The following SDHB variants were observed in gnomAD, a reference collection of about 807,000 sequenced individuals.
The protein encoded by SDHB is succinate dehydrogenase complex iron sulfur subunit B, also known as succinate dehydrogenase [ubiquinone] iron-sulfur subunit, mitochondrial.
SDHB carries 21 observed loss-of-function variants against 39.7 expected under a neutral mutation model. That is an observed-to-expected ratio of 0.53 (90% CI 0.37 to 0.76). The LOEUF (loss-of-function observed/expected upper bound fraction) is 0.76, where lower values mean the gene tolerates loss of function less well. SDHB is among the 30% of genes least tolerant of loss of function. The pLI is 0.00. For missense variants in SDHB, 343 were observed against 350.9 expected (o/e 0.98, Z 0.18); for synonymous variants, 118 against 117.0 (o/e 1.01, Z -0.06).
chr1:17,027,722 T>G (rs375187876), intron 5 of SDHB, 27 bp downstream of exon 5: 10 of 1,307,296 alleles, frequency 7.6e-6, no homozygotes, highest in Non-Finnish European at 1.1e-5. Flanking sequence ...ATTCTTCAGA[T>G]TGAAACAATA....
chr1:17,037,433 C>T (rs1213886973), intron 2 of SDHB, among the ~76,000 whole-genome samples: 1 of 145,936 alleles, frequency 6.9e-6, no homozygotes, highest in Non-Finnish European at 1.5e-5. Context: ...TCCCAAGTAG[C>T]TCGGACTACA....
intron 2 of SDHB, among the ~76,000 whole-genome samples, chr1:17,036,528 T>G (rs1252126936): frequency 6.6e-6 from 1 of 151,888 alleles, no homozygotes; most frequent in Admixed American, 6.6e-5. Context: ...TATAATTTGT[T>G]CCTAAGAATT....
At chr1:17,041,068 T>G (rs374482493) in intron 2 of SDHB, among the ~76,000 whole-genome samples, 25 of 152,140 alleles carry the variant, frequency 1.6e-4, no homozygotes, top group South Asian at 1.5e-3. Flanking sequence ...AGGCAGAGGT[T>G]GCAGTGAGCC....
chr1:17,025,799 G>C (rs1390350270), intron 5 of SDHB, among the ~76,000 whole-genome samples: 1 of 152,114 alleles, frequency 6.6e-6, no homozygotes, highest in East Asian at 1.9e-4. Flanking sequence ...GTATGTAAAT[G>C]AGTAAATGAG....
At chr1:17,030,529 CT>C (rs1452148513) in intron 3 of SDHB, among the ~76,000 whole-genome samples, 1 of 152,170 alleles carries the variant, frequency 6.6e-6, no homozygotes, top group African/African-American at 2.4e-5. Context: ...TTTTCTTAGC[CT>C]GGACCTACTT....
intron 7 of SDHB, among the ~76,000 whole-genome samples, chr1:17,021,827 G>A (rs2077963451): frequency 6.6e-6 from 1 of 152,136 alleles, no homozygotes; most frequent in African/African-American, 2.4e-5. Flanking sequence ...ACAGCACGAA[G>A]GTTCTTGTTA....
chr1:17,030,885 T>C (rs1298666549), intron 3 of SDHB, among the ~76,000 whole-genome samples: 4 of 152,046 alleles, frequency 2.6e-5, no homozygotes, highest in African/African-American at 9.7e-5. Flanking sequence ...TTTTACCACG[T>C]TGGTCAGGCT....
chr1:17,053,978 C>T lies in SDHB; in HGVS notation c.42G>A (p.Pro14=), dbSNP rs760753435. ...GGCAGGCTCCGCCAAGGGTTGTGGC[C>T]GGCAACCGGCGCCTCAAGGAGAGGG... The part of the protein sequence containing the change: ...VVALSLRRRL[P]ATTLGGACLQ... Residue 14 remains proline, a synonymous_variant, in exon 1 of 8, where the codon CCG becomes CCA. Transcript: ENST00000375499. 8.7e-6 allele frequency: 14 copies of T among 1,612,912 alleles called. No homozygotes were observed. The highest frequency in any genetic ancestry group is 1.7e-5 in the Admixed American group (1 of 59,936).
Position 17,022,829 on chromosome 1 carries a change from C to T in SDHB, c.643-99G>A, listed in dbSNP as rs1043310889. ...CTGGGAGTGCAGAGGAAAGGGAATT[C>T]ACTCAGCTTAGATGCCTCATCTCCA... On this transcript the variant is annotated intron_variant, in intron 6 of 7. Transcript: ENST00000375499. The T allele has an allele frequency of 3.6e-5, 52 of 1,464,356 alleles. No individual in the cohort carries two copies. The African/African-American group carries it at 4.1e-4, about 11-fold the overall frequency. The allele number at this position is 1,464,356 out of a possible 1,614,324, so 90.7% of individuals were successfully genotyped here.
At chr1:17,051,520 G>A (rs1457874526) in intron 1 of SDHB, among the ~76,000 whole-genome samples, 5 of 152,146 alleles carry the variant, frequency 3.3e-5, no homozygotes, top group Non-Finnish European at 7.4e-5. Flanking sequence ...ATGAAGATAA[G>A]CCTGAGTAAA....
intron 2 of SDHB, among the ~76,000 whole-genome samples, chr1:17,042,197 T>C (rs1404127727): frequency 6.6e-6 from 1 of 152,238 alleles, no homozygotes; most frequent in Non-Finnish European, 1.5e-5. Context: ...ATTGTGGTTT[T>C]CCATCCAACT....
intron 5 of SDHB, among the ~76,000 whole-genome samples, chr1:17,024,398 G>C (rs2077980872): frequency 6.6e-6 from 1 of 152,144 alleles, no homozygotes; most frequent in South Asian, 2.1e-4. Context: ...CAGCTTCCTG[G>C]AATGAGGTCA....
intron 6 of SDHB, 105 bp from the exon 7 acceptor site, chr1:17,022,835 G>C (rs2101514293): frequency 1.4e-6 from 2 of 1,381,920 alleles, no homozygotes; most frequent in East Asian, 2.5e-5. Context: ...AATTCACTCA[G>C]CTTAGATGCC....
intron 5 of SDHB, among the ~76,000 whole-genome samples, chr1:17,026,329 A>T (rs908564105): frequency 6.6e-6 from 1 of 152,154 alleles, no homozygotes; most frequent in Admixed American, 6.5e-5. Flanking sequence ...CTTGATGGTG[A>T]CAGACTGGGC....
intron 1 of SDHB, among the ~76,000 whole-genome samples, chr1:17,050,026 A>T (rs1308836601): frequency 6.6e-6 from 1 of 152,132 alleles, no homozygotes; most frequent in Non-Finnish European, 1.5e-5. Context: ...GGGTATCAGA[A>T]CCACAAGGCC....
intron 2 of SDHB, among the ~76,000 whole-genome samples, 160 bp downstream of exon 2, chr1:17,044,601 T>C (rs2078098466): frequency 1.3e-5 from 2 of 152,174 alleles, no homozygotes; most frequent in Non-Finnish European, 1.5e-5. Flanking sequence ...GCTGGGATTA[T>C]AGGCGTGAGC....
intron 2 of SDHB, among the ~76,000 whole-genome samples, chr1:17,040,982 T>C (rs2078077044): frequency 6.6e-6 from 1 of 151,878 alleles, no homozygotes. Flanking sequence ...TACAACAAAT[T>C]AGCTGGGCGT....
chr1:17,034,092 G>A (rs1357166241), intron 2 of SDHB, among the ~76,000 whole-genome samples: 1 of 152,124 alleles, frequency 6.6e-6, no homozygotes, highest in African/African-American at 2.4e-5. Context: ...TTCTATGCAT[G>A]AGATTAAAAA....
intron 2 of SDHB, among the ~76,000 whole-genome samples, chr1:17,042,487 A>G: frequency 6.6e-6 from 1 of 152,148 alleles, no homozygotes; most frequent in East Asian, 1.9e-4. Flanking sequence ...TCACTAAAAA[A>G]TCGTTATGGG....
Sources: allele counts gnomAD v4.1 joint callset (sites outside exome capture counted in the v4.1 genomes callset), GRCh38; gene constraint gnomAD v4.1.1; transcripts MANE v1.5; gene names NCBI Gene and HGNC (gene_info 2026-07-23, HGNC 2026-07-21).